Variants in HS3ST3B1 observed in about 807,000 individuals in gnomAD.
The protein encoded by HS3ST3B1 is heparan sulfate-glucosamine 3-sulfotransferase 3B1.
HS3ST3B1 carries 13 observed loss-of-function variants against 21.3 expected under a neutral mutation model. That is an observed-to-expected ratio of 0.61 (90% CI 0.40 to 0.97). HS3ST3B1 has a LOEUF of 0.97. HS3ST3B1 is among the 50% of genes least tolerant of loss of function. The pLI, the probability that HS3ST3B1 is intolerant of heterozygous loss-of-function variation, is 0.00. For missense variants in HS3ST3B1, 459 were observed against 554.8 expected (o/e 0.83, Z 1.73); for synonymous variants, 234 against 254.8 (o/e 0.92, Z 0.78).
chr17:14,343,169 G>C lies in HS3ST3B1; in HGVS notation c.555-1859G>C, dbSNP rs1348359580. Among the ~76,000 whole-genome samples, 5 of 151,890 alleles carry C rather than the reference G, an allele frequency of 3.3e-5. No individual in the cohort carries two copies. In the South Asian group the frequency reaches 1.0e-3, roughly 32 times the overall value. ...AGGCAGGAGAATTGCTTGAACCCGA[G>C]AGGCGGAGGTTGCAGTGAGCCGAGA... On this transcript the variant is annotated intron_variant, in intron 1 of 1. Transcript: ENST00000360954.
chr17:14,308,344 A>G (rs1190212282), intron 1 of HS3ST3B1, among the ~76,000 whole-genome samples: 2 of 152,248 alleles, frequency 1.3e-5, no homozygotes, highest in African/African-American at 4.8e-5. Flanking sequence ...GTTTATTTGT[A>G]CATAGATAAA....
intron 1 of HS3ST3B1, among the ~76,000 whole-genome samples, chr17:14,306,198 C>T (rs1909135157): frequency 6.6e-6 from 1 of 152,186 alleles, no homozygotes; most frequent in South Asian, 2.1e-4. Flanking sequence ...GTTACTACAT[C>T]TAACATTGGT....
At chr17:14,322,037 G>C (rs1382460150) in intron 1 of HS3ST3B1, among the ~76,000 whole-genome samples, 1 of 148,544 alleles carries the variant, frequency 6.7e-6, no homozygotes, top group Non-Finnish European at 1.5e-5. Flanking sequence ...TAATTTATAG[G>C]CCCTATAATT....
rs1466685082 is a variant in HS3ST3B1, at chr17:14,349,328, A to G, written c.*3682A>G. ...AACACAAATTAATTTTACACAGAGA[A>G]AGATGTTTCTAGGCAAGTGAAATTC... On this transcript the variant is annotated 3_prime_UTR_variant, in exon 2 of 2. Transcript: ENST00000360954. 6.6e-6 allele frequency: 1 copy of G among 152,264 alleles called. No individual in the cohort carries two copies. The highest frequency in any genetic ancestry group is 1.5e-5 in the Non-Finnish European group (1 of 68,042). 9.4% of individuals were successfully genotyped at this position (152,264 alleles called of 1,614,324 possible). A position where few individuals can be genotyped will look rare whatever the true frequency, so the allele number is the denominator to read the frequency against.
intron 1 of HS3ST3B1, among the ~76,000 whole-genome samples, chr17:14,312,517 T>G (rs1347904740): frequency 6.6e-6 from 1 of 152,182 alleles, no homozygotes; most frequent in Non-Finnish European, 1.5e-5. Flanking sequence ...CTCCCCACAC[T>G]TGTTCCTAGC....
At position 14,301,688 on chromosome 17, in the gene HS3ST3B1, C is replaced by T. The variant is rs1010435465; in HGVS notation, c.170C>T (p.Ala57Val). 6 of 1,600,874 alleles carry T rather than the reference C, an allele frequency of 3.7e-6. No individual in the cohort carries two copies. In the African/African-American group the frequency reaches 5.5e-5, roughly 15 times the overall value. ...TACTCGTGCGCCGGCTCCTGCGCCG[C>T]CGCGCCGGGGCTGCTGCTCCTGGGC... The part of the protein sequence containing the change: ...FLYSCAGSCA[A>V]APGLLLLGSG... Residue 57 changes from alanine to valine, a missense_variant, in exon 1 of 2, where the codon GCC becomes GTC. Ala to Val is a moderately conservative substitution (Grantham distance 64). This residue lies in a region of HS3ST3B1 where 317 missense variants were observed against 278.6 expected (regional missense o/e 1.14). Transcript: ENST00000360954.
intron 1 of HS3ST3B1, among the ~76,000 whole-genome samples, chr17:14,322,898 C>CTTTTTTTTTTTTT (rs34065582): frequency 9.5e-5 from 9 of 94,588 alleles, no homozygotes; most frequent in Non-Finnish European, 1.1e-4. Flanking sequence ...GTGTCTATGT[C>CTTTTTTTTTTTTT]TTTTTTTTTT....
intron 1 of HS3ST3B1, among the ~76,000 whole-genome samples, chr17:14,326,470 C>G (rs75045807): frequency 0.018 from 2,758 of 152,232 alleles, 101 homozygotes; most frequent in African/African-American, 0.062. Flanking sequence ...ATTTTTCTAA[C>G]CTTATTTGCC....
At chr17:14,329,500 G>A (rs1455513612) in intron 1 of HS3ST3B1, 2 of 147,570 alleles carry the variant, frequency 1.4e-5, no homozygotes, top group African/African-American at 2.5e-5. Context: ...AAGAAAGAAG[G>A]AAAGAGAGAA....
intron 1 of HS3ST3B1, among the ~76,000 whole-genome samples, chr17:14,322,212 A>G (rs886426646): frequency 6.6e-6 from 1 of 152,122 alleles, no homozygotes; most frequent in Non-Finnish European, 1.5e-5. Flanking sequence ...AATGTAGAGA[A>G]GTGGGATGAG....
chr17:14,326,481 A>AT (rs796622539), intron 1 of HS3ST3B1, among the ~76,000 whole-genome samples: 20 of 152,334 alleles, frequency 1.3e-4, no homozygotes, highest in African/African-American at 4.8e-4. Flanking sequence ...CTTATTTGCC[A>AT]TCATGTCTTA....
intron 1 of HS3ST3B1, chr17:14,328,909 T>C (rs890264840): frequency 6.6e-6 from 1 of 152,212 alleles, no homozygotes; most frequent in African/African-American, 2.4e-5. Flanking sequence ...TGTTGAGCTA[T>C]TTAAAGCCTA....
At chr17:14,315,532 A>T (rs530258179) in intron 1 of HS3ST3B1, among the ~76,000 whole-genome samples, 1 of 152,288 alleles carries the variant, frequency 6.6e-6, no homozygotes, top group East Asian at 1.9e-4. Flanking sequence ...TTGAGTGAAG[A>T]CAAAGTTCTT....
intron 1 of HS3ST3B1, among the ~76,000 whole-genome samples, chr17:14,343,238 T>A: frequency 6.8e-6 from 1 of 146,132 alleles, no homozygotes; most frequent in African/African-American, 2.5e-5. Context: ...CGAGACTCTG[T>A]CTCAAAAAAA....
chr17:14,343,328 G>T (rs970045513), intron 1 of HS3ST3B1, among the ~76,000 whole-genome samples: 10 of 151,922 alleles, frequency 6.6e-5, no homozygotes, highest in African/African-American at 1.9e-4. Context: ...TTTTGTGTGT[G>T]GTAAGAAACT....
At chr17:14,332,272 G>A (rs1414208869) in intron 1 of HS3ST3B1, among the ~76,000 whole-genome samples, 1 of 152,148 alleles carries the variant, frequency 6.6e-6, no homozygotes, top group Non-Finnish European at 1.5e-5. Flanking sequence ...TTTAGGCCAT[G>A]CTTGCTATTA....
intron 1 of HS3ST3B1, among the ~76,000 whole-genome samples, chr17:14,331,087 A>G (rs1021309602): frequency 6.6e-6 from 1 of 152,196 alleles, no homozygotes; most frequent in East Asian, 1.9e-4. Context: ...CGCTTCCCAG[A>G]AAACTCTTGT....
intron 1 of HS3ST3B1, among the ~76,000 whole-genome samples, chr17:14,332,931 C>T (rs1320318479): frequency 7.2e-6 from 1 of 139,062 alleles, no homozygotes; most frequent in African/African-American, 2.7e-5. Flanking sequence ...TTCCTGAGTG[C>T]TTGGCGGTGG....
intron 1 of HS3ST3B1, among the ~76,000 whole-genome samples, chr17:14,339,248 G>T (rs938290785): frequency 3.9e-5 from 6 of 152,292 alleles, no homozygotes; most frequent in African/African-American, 1.4e-4. Flanking sequence ...AGGCCTCATA[G>T]AAGGCAGTTA....
Sources: allele counts gnomAD v4.1 joint callset (sites outside exome capture counted in the v4.1 genomes callset), GRCh38; gene constraint gnomAD v4.1.1; regional missense constraint gnomAD v4.1.1; transcripts MANE v1.5; gene names NCBI Gene and HGNC (gene_info 2026-07-23, HGNC 2026-07-21).